Variants in GPC5 observed in about 807,000 individuals in gnomAD.
GPC5 encodes the protein glypican 5.
In GPC5, 47 loss-of-function variants were observed where a neutral mutation model predicts 53.9. The observed-to-expected ratio is 0.87, with a 90% CI of 0.69 to 1.11. The LOEUF is 1.11. Ranked by LOEUF, GPC5 falls within the 50% of genes most tolerant of loss-of-function variation. The probability of loss-of-function intolerance (pLI) is 0.00; values close to 1 mark genes in which losing one functional copy is unlikely to be tolerated. For synonymous variants in GPC5, 286 were observed against 263.3 expected (o/e 1.09, Z -0.84); for missense variants, 748 against 713.1 (o/e 1.05, Z -0.56).
At chr13:92,794,096 G>C (rs147632981) in intron 7 of GPC5, among the ~76,000 whole-genome samples, 295 of 152,174 alleles carry the variant, frequency 1.9e-3, no homozygotes, top group Non-Finnish European at 3.2e-3. Context: ...GAGAATTTTA[G>C]ACTAATAACC....
chr13:92,411,022 G>T (rs900089920), intron 7 of GPC5, among the ~76,000 whole-genome samples: 4 of 152,156 alleles, frequency 2.6e-5, no homozygotes, highest in Non-Finnish European at 5.9e-5. Context: ...ATCACTTGAG[G>T]TCAGGAGTCT....
At chr13:91,462,181 G>A (rs780217912) in intron 2 of GPC5, among the ~76,000 whole-genome samples, 8 of 152,120 alleles carry the variant, frequency 5.3e-5, no homozygotes, top group African/African-American at 9.7e-5. Context: ...AACAAACGCC[G>A]TGGTCTTATT....
intron 5 of GPC5, among the ~76,000 whole-genome samples, chr13:91,794,439 C>T (rs1307570917): frequency 6.6e-6 from 1 of 152,170 alleles, no homozygotes; most frequent in Non-Finnish European, 1.5e-5. Flanking sequence ...CACCTATAAA[C>T]CTCCAAAAGG....
chr13:91,527,148 A>G (rs1886124381), intron 2 of GPC5, among the ~76,000 whole-genome samples: 1 of 152,214 alleles, frequency 6.6e-6, no homozygotes, highest in African/African-American at 2.4e-5. Flanking sequence ...AACTTATTCC[A>G]GCATTAACTC....
chr13:91,973,011 C>T (rs2040259090), intron 6 of GPC5, among the ~76,000 whole-genome samples: 2 of 152,148 alleles, frequency 1.3e-5, no homozygotes, highest in Non-Finnish European at 2.9e-5. Flanking sequence ...TGAATGTTGG[C>T]CTGCCTTGCT....
intron 7 of GPC5, among the ~76,000 whole-genome samples, chr13:92,382,805 T>G (rs2043760290): frequency 6.6e-6 from 1 of 151,194 alleles, no homozygotes; most frequent in Non-Finnish European, 1.5e-5. Flanking sequence ...GGTCAGGAGA[T>G]CAAGACCACA....
intron 2 of GPC5, among the ~76,000 whole-genome samples, chr13:91,589,355 C>G (rs960756474): frequency 1.3e-5 from 2 of 152,008 alleles, no homozygotes; most frequent in African/African-American, 4.8e-5. Flanking sequence ...CTCTCTCTCT[C>G]TCCCCACCAC....
intron 2 of GPC5, among the ~76,000 whole-genome samples, chr13:91,630,641 G>C (rs377175447): frequency 2.6e-5 from 4 of 152,096 alleles, no homozygotes; most frequent in African/African-American, 9.7e-5. Flanking sequence ...CCCAAAGAGG[G>C]CCTGTCCCCA....
At chr13:92,391,835 G>T (rs963002538) in intron 7 of GPC5, among the ~76,000 whole-genome samples, 4 of 152,106 alleles carry the variant, frequency 2.6e-5, no homozygotes, top group African/African-American at 7.2e-5. Flanking sequence ...TTTCTAGAAG[G>T]TCATGTCTGG....
intron 6 of GPC5, among the ~76,000 whole-genome samples, chr13:91,984,116 T>G (rs183620990): frequency 5.0e-4 from 76 of 152,298 alleles, no homozygotes; most frequent in African/African-American, 1.8e-3. Context: ...CTGAGTTGTT[T>G]TCGGTGGTCC....
intron 2 of GPC5, among the ~76,000 whole-genome samples, chr13:91,643,871 T>C (rs1053129664): frequency 1.3e-5 from 2 of 152,102 alleles, no homozygotes; most frequent in Middle Eastern, 3.2e-3. Flanking sequence ...ACTTAACTCA[T>C]TTTGTTTTCA....
rs184174323 is a variant in GPC5, at chr13:92,183,931, T to C, written c.1561+38942T>C. On this transcript the variant is annotated intron_variant, in intron 7 of 7. Coordinates refer to ENST00000377067, the MANE Select transcript of GPC5 (RefSeq NM_004466.6). The stretch of plus-strand genomic sequence containing the variant: ...TTCTCTTTGATCTTATCTAATAGGG[T>C]ATTTTAATCCAACCACTGATACTAT... Among the ~76,000 whole-genome samples, 86 of 152,128 alleles carry C rather than the reference T, an allele frequency of 5.7e-4. 2 individuals carry two copies. The East Asian group carries it at 0.016, about 28-fold the overall frequency.
At chr13:91,825,150 G>T (rs1432179988) in intron 5 of GPC5, among the ~76,000 whole-genome samples, 1 of 151,772 alleles carries the variant, frequency 6.6e-6, no homozygotes, top group Non-Finnish European at 1.5e-5. Flanking sequence ...GAGAGAGAGA[G>T]CTAGAGAGAG....
At chr13:92,138,973 T>C (rs1350991661) in intron 6 of GPC5, among the ~76,000 whole-genome samples, 1 of 152,184 alleles carries the variant, frequency 6.6e-6, no homozygotes, top group Non-Finnish European at 1.5e-5. Flanking sequence ...ATTCCTATAT[T>C]CCAGATTTAT....
chr13:92,631,411 A>C (rs568781637), intron 7 of GPC5, among the ~76,000 whole-genome samples: 12 of 152,276 alleles, frequency 7.9e-5, no homozygotes, highest in African/African-American at 2.9e-4. Flanking sequence ...TATAATATCA[A>C]GGTTAACATG....
intron 7 of GPC5, among the ~76,000 whole-genome samples, chr13:92,735,599 G>A (rs1594464997): frequency 6.6e-6 from 1 of 152,034 alleles, no homozygotes; most frequent in East Asian, 1.9e-4. Flanking sequence ...GGATTCTTCA[G>A]TGAGAAAATG....
intron 7 of GPC5, among the ~76,000 whole-genome samples, chr13:92,157,816 T>C (rs77954048): frequency 1.2e-4 from 18 of 152,286 alleles, no homozygotes; most frequent in East Asian, 9.7e-4. Flanking sequence ...TCTCATTATA[T>C]ACCTAACTAG....
intron 6 of GPC5, among the ~76,000 whole-genome samples, chr13:91,964,663 C>T (rs963805017): frequency 9.2e-5 from 14 of 152,088 alleles, no homozygotes; most frequent in African/African-American, 3.4e-4. Flanking sequence ...AAAAGTTCTC[C>T]AAATCCCCAT....
intron 1 of GPC5, among the ~76,000 whole-genome samples, chr13:91,441,515 C>T (rs906866768): frequency 8.5e-5 from 13 of 152,104 alleles, no homozygotes; most frequent in African/African-American, 9.7e-5. Context: ...ATGGCATTTG[C>T]GAATCTTGCA....
Sources: gnomAD v4.1 joint callset for allele counts (sites outside exome capture counted in the v4.1 genomes callset) on GRCh38, gnomAD v4.1.1 for gene constraint, MANE v1.5 for transcripts, NCBI Gene and HGNC (gene_info 2026-07-23, HGNC 2026-07-21) for gene names.